Variants in RBFOX1 observed in about 807,000 individuals in gnomAD.
RBFOX1 encodes the protein RNA binding fox-1 homolog 1, also known as RNA binding protein fox-1 homolog 1.
Under a neutral mutation model 57.7 loss-of-function variants are expected in RBFOX1, and 8 were observed. The ratio of observed to expected loss-of-function variants is 0.14; its 90% confidence interval spans 0.08 to 0.25. RBFOX1 has a LOEUF of 0.25. RBFOX1 is among the 10% of genes least tolerant of loss of function. The probability of loss-of-function intolerance (pLI) is 1.00; values close to 1 mark genes in which losing one functional copy is unlikely to be tolerated. For missense variants in RBFOX1, 611 were observed against 548.5 expected, an observed-to-expected ratio of 1.11 and a Z score of -1.14; for synonymous variants, 326 against 222.4, an observed-to-expected ratio of 1.47 and a Z score of -4.15.
intron 3 of RBFOX1, among the ~76,000 whole-genome samples, chr16:5,858,709 T>G (rs929350245): frequency 6.6e-6 from 1 of 152,226 alleles, no homozygotes. Flanking sequence ...TAAGAGACAT[T>G]TATTCATTGG....
chr16:7,216,635 G>T (rs2092095221), intron 4 of RBFOX1, among the ~76,000 whole-genome samples: 1 of 151,544 alleles, frequency 6.6e-6, no homozygotes, highest in South Asian at 2.1e-4. Flanking sequence ...TCCAGCCTGG[G>T]CAACAGAGTG....
At chr16:6,225,780 C>G (rs1181992035) in intron 1 of RBFOX1, among the ~76,000 whole-genome samples, 1 of 152,164 alleles carries the variant, frequency 6.6e-6, no homozygotes, top group Non-Finnish European at 1.5e-5. Context: ...TGTCAGAAAG[C>G]AAAAGTTCCT....
At chr16:7,077,553 A>G (rs925466964) in intron 4 of RBFOX1, among the ~76,000 whole-genome samples, 7 of 152,222 alleles carry the variant, frequency 4.6e-5, no homozygotes, top group African/African-American at 1.7e-4. Context: ...GCCTGTCATC[A>G]TATTAGTACA....
chr16:6,019,191 C>T lies in RBFOX1; in HGVS notation c.-928C>T. 1.0e-6 allele frequency: 1 copy of T among 985,298 alleles called. No individual in the cohort carries two copies. Among genetic ancestry groups the T allele is most frequent in the Admixed American group, 6.1e-5 (1 of 16,262 alleles). 61.0% of individuals were successfully genotyped at this position (985,298 alleles called of 1,614,324 possible). A position where few individuals can be genotyped will look rare whatever the true frequency, so the allele number is the denominator to read the frequency against. On this transcript the variant is annotated 5_prime_UTR_variant, in exon 1 of 16. Coordinates refer to ENST00000550418, the MANE Select transcript of RBFOX1 (RefSeq NM_018723.4). The surrounding 1 kb of genome is among the most constrained non-coding windows in gnomAD (Gnocchi z 4.2). ...TTTACTGGAAGATTTCCTCTTTATT[C>T]TCTCCCGCCCTCCTACAAGCGCTCT...
intron 4 of RBFOX1, among the ~76,000 whole-genome samples, chr16:5,885,275 T>TA (rs2057870657): frequency 6.7e-6 from 1 of 149,812 alleles, no homozygotes; most frequent in Admixed American, 6.7e-5. Context: ...ATCAACATAA[T>TA]ACTGTGTTCT....
At chr16:7,076,509 A>G (rs1165764402) in intron 4 of RBFOX1, among the ~76,000 whole-genome samples, 1 of 152,188 alleles carries the variant, frequency 6.6e-6, no homozygotes, top group Non-Finnish European at 1.5e-5. Context: ...TGCCTAATAT[A>G]CAAAAAATAA....
intron 4 of RBFOX1, among the ~76,000 whole-genome samples, chr16:7,140,177 T>TCTCTCC (rs2073332719): frequency 6.8e-6 from 1 of 146,952 alleles, no homozygotes; most frequent in Non-Finnish European, 1.5e-5. Flanking sequence ...TCTCTCTCTC[T>TCTCTCC]CTCTCTCTCT....
At chr16:7,143,665 C>G (rs570630783) in intron 4 of RBFOX1, among the ~76,000 whole-genome samples, 1 of 152,242 alleles carries the variant, frequency 6.6e-6, no homozygotes, top group South Asian at 2.1e-4. Flanking sequence ...GGGAGTTCAG[C>G]TCTCTGCAGA....
At chr16:7,649,640 G>C (rs919131130) in intron 11 of RBFOX1, among the ~76,000 whole-genome samples, 6 of 152,100 alleles carry the variant, frequency 3.9e-5, no homozygotes, top group African/African-American at 1.4e-4. Context: ...GGTGGTGGCT[G>C]TACTCTCCCA....
At chr16:7,153,096 C>G (rs946170292) in intron 4 of RBFOX1, among the ~76,000 whole-genome samples, 1 of 152,102 alleles carries the variant, frequency 6.6e-6, no homozygotes, top group Admixed American at 6.6e-5. Context: ...AAACTTGTCT[C>G]TTAATGTTAT....
chr16:6,022,254 GTTT>G (rs35357946), intron 1 of RBFOX1, among the ~76,000 whole-genome samples: 19,662 of 149,354 alleles, frequency 0.13, 1,560 homozygotes, highest in Non-Finnish European at 0.17. Flanking sequence ...TAGCAAATCT[GTTT>G]TTTTTTTTTT....
intron 1 of RBFOX1, among the ~76,000 whole-genome samples, chr16:5,386,970 G>C (rs2066275771): frequency 6.6e-6 from 1 of 152,204 alleles, no homozygotes; most frequent in South Asian, 2.1e-4. Flanking sequence ...AGAATCTCTT[G>C]AACCCAGGAG....
chr16:6,689,046 A>G (rs990290012), intron 3 of RBFOX1, among the ~76,000 whole-genome samples: 11 of 152,128 alleles, frequency 7.2e-5, no homozygotes, highest in East Asian at 1.9e-4. Context: ...ATTGATGGGC[A>G]TTTGGGTTGG....
intron 1 of RBFOX1, among the ~76,000 whole-genome samples, chr16:6,100,877 A>T (rs566677407): frequency 6.6e-6 from 1 of 152,250 alleles, no homozygotes; most frequent in South Asian, 2.1e-4. Context: ...AAGTGTTCTT[A>T]TGTGTAAGAA....
chr16:5,737,231 C>A (rs2052609550), intron 3 of RBFOX1, among the ~76,000 whole-genome samples: 1 of 152,038 alleles, frequency 6.6e-6, no homozygotes, highest in Admixed American at 6.6e-5. Flanking sequence ...CGCCTGTAAT[C>A]CCAGCACTTT....
At chr16:6,645,944 G>C (rs951119484) in intron 2 of RBFOX1, among the ~76,000 whole-genome samples, 1 of 152,158 alleles carries the variant, frequency 6.6e-6, no homozygotes, top group African/African-American at 2.4e-5. Flanking sequence ...AACCCTAGCA[G>C]TGTGATTCTG....
intron 2 of RBFOX1, among the ~76,000 whole-genome samples, chr16:6,519,871 A>T (rs903124347): frequency 6.6e-6 from 1 of 152,276 alleles, no homozygotes; most frequent in East Asian, 1.9e-4. Context: ...ACTTAACCAG[A>T]ACTAAGGCAA....
chr16:6,842,958 G>A (rs1305185581), intron 3 of RBFOX1, among the ~76,000 whole-genome samples: 1 of 152,072 alleles, frequency 6.6e-6, no homozygotes, highest in Non-Finnish European at 1.5e-5. Flanking sequence ...TGCTGAGAAC[G>A]ATGGTTTCCA....
chr16:5,449,247 C>A (rs546302204), intron 1 of RBFOX1, among the ~76,000 whole-genome samples: 1 of 152,152 alleles, frequency 6.6e-6, no homozygotes, highest in Non-Finnish European at 1.5e-5. Context: ...GGCCTTTCCT[C>A]TTCCTGAAAT....
Sources: allele counts gnomAD v4.1 joint callset (sites outside exome capture counted in the v4.1 genomes callset), GRCh38; gene constraint gnomAD v4.1.1; non-coding constraint Gnocchi (gnomAD v3.1); transcripts MANE v1.5; gene names NCBI Gene and HGNC (gene_info 2026-07-23, HGNC 2026-07-21).